Variants in PSMD2 observed in about 807,000 individuals in gnomAD.
PSMD2 encodes proteasome 26S subunit ubiquitin receptor, non-ATPase 2.
Under a neutral mutation model 101.5 loss-of-function variants are expected in PSMD2, and 8 were observed. The observed-to-expected ratio is 0.08, with a 90% CI of 0.05 to 0.14. PSMD2 has a LOEUF of 0.14. Ranked by LOEUF, PSMD2 falls within the 10% of genes least tolerant of loss-of-function variation. PSMD2 has a pLI of 1.00. For synonymous variants in PSMD2, 418 were observed against 433.8 expected (o/e 0.96, Z 0.45); for missense variants, 784 against 1,147.4 (o/e 0.68, Z 4.58).
At position 184,301,656 on chromosome 3, in the gene PSMD2, C is replaced by G. The variant is rs762237406; in HGVS notation, c.477C>G (p.Val159=). ...EELASWGHEY[V]RHLAGEVAKE... is the part of the protein sequence containing the mutation. ...TGGCATCATGGGGTCATGAGTATGT[C>G]AGGTAAGATCTTTCTTCTTGGGAAT... is the stretch of plus-strand genomic sequence containing the variant. The change falls in exon 4 of 21, where the codon GTC becomes GTG. Residue 159 remains valine, a splice_region_variant and synonymous_variant. Coordinates refer to ENST00000310118, the MANE Select transcript of PSMD2 (RefSeq NM_002808.5). 8.7e-6 allele frequency: 14 copies of G among 1,614,054 alleles called. No individual in the cohort carries two copies. The highest frequency in any genetic ancestry group is 1.2e-5 in the Non-Finnish European group (14 of 1,179,994).
At chr3:184,305,366 A>G (rs568967714) in intron 12 of PSMD2, among the ~76,000 whole-genome samples, 2 of 151,956 alleles carry the variant, frequency 1.3e-5, no homozygotes, top group East Asian at 3.9e-4. Flanking sequence ...GCGCGCACCT[A>G]TAGTCCCAGC....
Position 184,299,802 on chromosome 3 carries a change from C to T in PSMD2, c.136-49C>T, listed in dbSNP as rs1005176019. ...CTGCCCCGGGTAAGTGGGAGGAGGA[C>T]GTCTTTGGGATTCCTTCTCTTCATG... On this transcript the variant is annotated intron_variant, in intron 1 of 20. Transcript: ENST00000310118. 2.0e-6 allele frequency: 3 copies of T among 1,473,920 alleles called. No homozygotes were observed. The African/African-American group carries it at 4.2e-5, about 20-fold the overall frequency. The allele number at this position is 1,473,920 out of a possible 1,614,324, so 91.3% of individuals were successfully genotyped here.
At chr3:184,303,231 C>A in intron 8 of PSMD2, 89 bp from the exon 9 acceptor site, 1 of 1,543,916 alleles carries the variant, frequency 6.5e-7, no homozygotes, top group South Asian at 1.2e-5. Context: ...GGGACTAGCT[C>A]AGAACCAGAG....
rs760837984 is a variant in PSMD2 at position 184,303,047 on chromosome 3, C to T, written c.1054C>T (p.His352Tyr). 1 of 1,614,040 alleles carries T rather than the reference C, an allele frequency of 6.2e-7. No individual in the cohort carries two copies. Among genetic ancestry groups the T allele is most frequent in the South Asian group, 1.1e-5 (1 of 91,062 alleles). ...GGTGCCTGATGACATCTACAAAACC[C>T]ACCTAGAGAACAACAGTGAGTAGCC... ...PKVPDDIYKT[H>Y]LENNRFGGSG... is the part of the protein sequence containing the mutation. Residue 352 changes from histidine (H) to tyrosine (Y), a missense_variant, in exon 8 of 21, where the codon CAC becomes TAC. This residue lies in a region of PSMD2 where 208 missense variants were observed against 301.6 expected (regional missense o/e 0.69). Transcript: ENST00000310118.
intron 18 of PSMD2, 36 bp from the exon 19 acceptor site, chr3:184,307,854 T>C: frequency 6.2e-7 from 1 of 1,613,688 alleles, no homozygotes; most frequent in South Asian, 1.1e-5. Context: ...TCCTCAGTGG[T>C]AACTCCTCAC....
At position 184,300,460 on chromosome 3, in the gene PSMD2, A is replaced by G. The variant is rs1721604860; in HGVS notation, c.357+16A>G. ...GGAGAATAAGGTAAAACTGTTTCAA[A>G]CCTGGTGGAGGCCTAGTTTAGGAAT... On this transcript the variant is annotated intron_variant, in intron 3 of 20. Coordinates refer to ENST00000310118, the MANE Select transcript of PSMD2 (RefSeq NM_002808.5). 1.9e-6 allele frequency: 3 copies of G among 1,609,568 alleles called. No homozygotes were observed. Among genetic ancestry groups the G allele is most frequent in the Non-Finnish European group, 2.5e-6 (3 of 1,177,744 alleles).
chr3:184,299,358 A>G lies in PSMD2; in HGVS notation c.92A>G (p.Lys31Arg), dbSNP rs1391738056. The change falls in exon 1 of 21, where the codon AAG (lysine) becomes AGG (arginine). Residue 31 changes from lysine to arginine, a missense_variant. Coordinates refer to ENST00000310118, the MANE Select transcript of PSMD2 (RefSeq NM_002808.5). Reference protein sequence around the residue: ...PGGTDEKPSGKERRDAGDKDK... With the variant: ...PGGTDEKPSGRERRDAGDKDK... ...GGCACGGACGAGAAGCCGAGCGGCAAGGAGCGGCGGGATGCCGGGGACAAG... is the reference window on the plus strand; with the variant it reads ...GGCACGGACGAGAAGCCGAGCGGCAGGGAGCGGCGGGATGCCGGGGACAAG... 4.2e-6 allele frequency: 6 copies of G among 1,412,198 alleles called. No homozygotes were observed. The highest frequency in any genetic ancestry group is 2.2e-4 in the Middle Eastern group (1 of 4,560). 87.5% of individuals were successfully genotyped at this position (1,412,198 alleles called of 1,614,324 possible).
rs745718759 is a variant in PSMD2, at chr3:184,308,044, A to G, written c.2425+28A>G. On this transcript the variant is annotated intron_variant, in intron 19 of 20. Coordinates refer to ENST00000310118, the MANE Select transcript of PSMD2 (RefSeq NM_002808.5). The surrounding 1 kb of genome is among the most constrained non-coding windows in gnomAD (Gnocchi z 6.0). ...GAGTTCCTGTCAGAAATTTTATATCATAGCATGCAGGGCTCTGACTCCACC... is the reference window on the plus strand; with the variant it reads ...GAGTTCCTGTCAGAAATTTTATATCGTAGCATGCAGGGCTCTGACTCCACC... 3.1e-6 allele frequency: 5 copies of G among 1,612,680 alleles called. No individual in the cohort carries two copies. The highest frequency in any genetic ancestry group is 4.2e-6 in the Non-Finnish European group (5 of 1,179,864).
chr3:184,305,986 A>AG, intron 13 of PSMD2, 56 bp downstream of exon 13: 1 of 1,613,330 alleles, frequency 6.2e-7, no homozygotes, highest in Non-Finnish European at 8.5e-7. Context: ...TACAACAGGG[A>AG]GGGTTTATGT....
rs1006449808 is a variant in PSMD2 at position 184,302,505 on chromosome 3, C to G, written c.840C>G (p.Asp280Glu). Residue 280 changes from aspartate to glutamate, a missense_variant, in exon 6 of 21, where the codon GAC (aspartate) becomes GAG (glutamate). Transcript: ENST00000310118. ...LMLNDMELVE[D>E]IFTSCKDVVV... The stretch of plus-strand genomic sequence containing the variant: ...TCAATGACATGGAGTTGGTAGAAGA[C>G]ATCTTCACCTCCTGCAAGGATGTGT... 6.2e-7 allele frequency: 1 copy of G among 1,614,140 alleles called. No individual in the cohort carries two copies. The highest frequency in any genetic ancestry group is 1.3e-5 in the African/African-American group (1 of 75,048).
rs746310251 is a variant in PSMD2 at position 184,307,457 on chromosome 3, A to T, written c.2135A>T (p.Lys712Ile). The change falls in exon 17 of 21, where the codon AAA (lysine) becomes ATA (isoleucine). Residue 712 changes from lysine to isoleucine, a missense_variant. Lys to Ile is a moderately radical substitution (Grantham distance 102, BLOSUM62 -3). Transcript: ENST00000310118. ...PRLNILDTLS[K>I]FSHDADPEVS... is the part of the protein sequence containing the mutation. ...CTCAACATCCTGGATACCCTAAGCA[A>T]ATTCTCTCATGATGCTGATCCAGAA... 6.2e-7 allele frequency: 1 copy of T among 1,614,158 alleles called. No homozygotes were observed. Among genetic ancestry groups the T allele is most frequent in the Non-Finnish European group, 8.5e-7 (1 of 1,180,028 alleles).
chr3:184,300,504 TG>T, intron 3 of PSMD2, 60 bp downstream of exon 3: 3 of 1,569,114 alleles, frequency 1.9e-6, no homozygotes, highest in East Asian at 2.2e-5. Flanking sequence ...ACCCAGATCA[TG>T]GGGGGACTCA....
At chr3:184,306,284 G>A (rs781708400) in intron 14 of PSMD2, 66 bp from the exon 15 acceptor site, 31 of 1,595,620 alleles carry the variant, frequency 1.9e-5, no homozygotes, top group Non-Finnish European at 2.0e-5. Context: ...GACTTCTCCT[G>A]TTTTCCAAAG....
Position 184,300,275 on chromosome 3 carries a change from A to T in PSMD2, c.193-5A>T. 1 of 1,610,540 alleles carries T rather than the reference A, an allele frequency of 6.2e-7. No individual in the cohort carries two copies. On this transcript the variant is annotated splice_polypyrimidine_tract_variant and splice_region_variant and intron_variant, in intron 2 of 20. Transcript: ENST00000310118. Reference sequence around the variant, plus strand: ...TTTGTCTGAGCCCTGTCGTCTCTTGATCAGGAGAAGGATACATCCCTGTAT... The same window carrying T: ...TTTGTCTGAGCCCTGTCGTCTCTTGTTCAGGAGAAGGATACATCCCTGTAT...
rs1190512684 is a variant in PSMD2 at position 184,299,241 on chromosome 3, G to C, written c.-26G>C. The C allele has an allele frequency of 1.5e-6, 2 of 1,303,122 alleles. No individual in the cohort carries two copies. The highest frequency in any genetic ancestry group is 4.3e-5 in the South Asian group (2 of 46,284). 80.7% of individuals were successfully genotyped at this position (1,303,122 alleles called of 1,614,324 possible). ...AAGGGCGGTGCGAGCGGGTGCGCGCGCAGCGGGCCGGCAGTGGCGGCGGAG... is the reference window on the plus strand; with the variant it reads ...AAGGGCGGTGCGAGCGGGTGCGCGCCCAGCGGGCCGGCAGTGGCGGCGGAG... On this transcript the variant is annotated 5_prime_UTR_variant, in exon 1 of 21. Coordinates refer to ENST00000310118, the MANE Select transcript of PSMD2 (RefSeq NM_002808.5).
chr3:184,302,214 G>C, intron 5 of PSMD2, 143 bp downstream of exon 5: 2 of 1,180,870 alleles, frequency 1.7e-6, no homozygotes, highest in Non-Finnish European at 2.4e-6. Flanking sequence ...TGAGTTTCTT[G>C]AGGACAGAGA....
rs1156908160 is a variant in PSMD2, at chr3:184,299,257, G to A, written c.-10G>A. The A allele has an allele frequency of 5.2e-6, 7 of 1,334,894 alleles. No individual in the cohort carries two copies. Among genetic ancestry groups the A allele is most frequent in the Non-Finnish European group, 5.7e-6 (6 of 1,044,366 alleles). The allele number at this position is 1,334,894 out of a possible 1,614,324, so 82.7% of individuals were successfully genotyped here. On this transcript the variant is annotated 5_prime_UTR_variant, in exon 1 of 21. Transcript: ENST00000310118. ...GGTGCGCGCGCAGCGGGCCGGCAGT[G>A]GCGGCGGAGATGGAGGAGGGAGGCC... is the stretch of plus-strand genomic sequence containing the variant.
chr3:184,299,261 GC>G lies in PSMD2; in HGVS notation c.-5del. ...CGCGCGCAGCGGGCCGGCAGTGGCGGCGGAGATGGAGGAGGGAGGCCGGGAC... is the reference window on the plus strand; with the variant it reads ...CGCGCGCAGCGGGCCGGCAGTGGCGGGGAGATGGAGGAGGGAGGCCGGGAC... On this transcript the variant is annotated 5_prime_UTR_variant, in exon 1 of 21. Coordinates refer to ENST00000310118, the MANE Select transcript of PSMD2 (RefSeq NM_002808.5). The G allele has an allele frequency of 7.5e-7, 1 of 1,339,186 alleles. No individual in the cohort carries two copies. The highest frequency in any genetic ancestry group is 9.6e-7 in the Non-Finnish European group (1 of 1,046,542). 83.0% of individuals were successfully genotyped at this position (1,339,186 alleles called of 1,614,324 possible).
Position 184,304,504 on chromosome 3 carries a change from A to G in PSMD2, c.1539+113A>G. 2 of 1,087,740 alleles carry G rather than the reference A, an allele frequency of 1.8e-6. No homozygotes were observed. Among genetic ancestry groups the G allele is most frequent in the South Asian group, 1.3e-5 (1 of 76,532 alleles). 67.4% of individuals were successfully genotyped at this position (1,087,740 alleles called of 1,614,324 possible). On this transcript the variant is annotated intron_variant, in intron 12 of 20. Coordinates refer to ENST00000310118, the MANE Select transcript of PSMD2 (RefSeq NM_002808.5). The surrounding 1 kb of genome is among the most constrained non-coding windows in gnomAD (Gnocchi z 4.1). ...TGTGTGCATGTGTGCATACATGTAC[A>G]TGCCTGTTGGTGTGTATTGAGGGGC...
Sources: allele counts gnomAD v4.1 joint callset (sites outside exome capture counted in the v4.1 genomes callset), GRCh38; gene constraint gnomAD v4.1.1; regional missense constraint gnomAD v4.1.1; non-coding constraint Gnocchi (gnomAD v3.1); transcripts MANE v1.5; gene names NCBI Gene and HGNC (gene_info 2026-07-23, HGNC 2026-07-21).